Variants in LPIN2 observed in about 807,000 individuals in gnomAD.
The protein encoded by LPIN2 is phosphatidate phosphatase LPIN2.
Under a neutral mutation model 111.4 loss-of-function variants are expected in LPIN2, and 55 were observed. That is an observed-to-expected ratio of 0.49 (90% CI 0.40 to 0.62). The LOEUF is 0.62. Among genes scored for constraint, LPIN2 ranks in the 20% least tolerant of loss-of-function variants. The pLI is 0.00. For synonymous variants in LPIN2, 425 were observed against 414.0 expected, an observed-to-expected ratio of 1.03 and a Z score of -0.32; for missense variants, 992 against 1,112.1, an observed-to-expected ratio of 0.89 and a Z score of 1.54.
At chr18:2,921,780 CT>C in intron 17 of LPIN2, 133 bp from the exon 18 acceptor site, 1 of 790,214 alleles carries the variant, frequency 1.3e-6, no homozygotes. Flanking sequence ...CCTTCTCCTT[CT>C]TTGCCAGTCT....
chr18:2,994,546 A>G (rs536364099), intron 1 of LPIN2, among the ~76,000 whole-genome samples: 148 of 152,372 alleles, frequency 9.7e-4, no homozygotes, highest in Middle Eastern at 6.8e-3. Context: ...ACATGTATAC[A>G]ATGTGTAATG....
chr18:2,991,872 T>C (rs943826874), intron 1 of LPIN2, among the ~76,000 whole-genome samples: 4 of 152,062 alleles, frequency 2.6e-5, no homozygotes, highest in Admixed American at 1.3e-4. Flanking sequence ...TAGCTGGGCG[T>C]GGTGGCGTGC....
intron 4 of LPIN2, chr18:2,946,480 A>G: frequency 6.4e-7 from 1 of 1,550,884 alleles, no homozygotes. Flanking sequence ...CATCGTCGGA[A>G]TTGGTCTCAG....
chr18:2,960,132 T>C (rs915278976), intron 2 of LPIN2, among the ~76,000 whole-genome samples: 3 of 151,318 alleles, frequency 2.0e-5, no homozygotes, highest in Non-Finnish European at 1.5e-5. Flanking sequence ...ATCACACCGC[T>C]GTACTCCAGC....
intron 1 of LPIN2, among the ~76,000 whole-genome samples, chr18:3,004,040 G>A (rs1253980271): frequency 3.9e-5 from 6 of 152,026 alleles, no homozygotes; most frequent in Admixed American, 6.6e-5. Context: ...ACTGAAATAC[G>A]CCCTGGTCTC....
chr18:2,972,792 A>G (rs1238596719), intron 1 of LPIN2, among the ~76,000 whole-genome samples: 2 of 152,180 alleles, frequency 1.3e-5, no homozygotes, highest in Admixed American at 6.5e-5. Context: ...CTGTTCCCAC[A>G]TTTCTCTTTA....
Position 2,918,049 on chromosome 18 carries a change from A to AATAGT in LPIN2, c.*2239_*2243dup, listed in dbSNP as rs1298856742. 6.6e-6 allele frequency: 1 copy of AATAGT among 152,206 alleles called. No homozygotes were observed. Among genetic ancestry groups the AATAGT allele is most frequent in the East Asian group, 1.9e-4 (1 of 5,198 alleles). The allele number at this position is 152,206 out of a possible 1,614,324, so 9.4% of individuals were successfully genotyped here. On this transcript the variant is annotated 3_prime_UTR_variant, in exon 20 of 20. Transcript: ENST00000677752. ...CTTAATACTTTCCTAACACTACAGC[A>AATAGT]ATAGTAATCATCTACTTTCAGCAAG...
In LPIN2 at chr18:2,991,749, C is replaced by G. The variant is rs572770555; in HGVS notation, c.-10+21338G>C. Among the ~76,000 whole-genome samples the G allele has an allele frequency of 2.6e-5, 4 of 152,176 alleles. No individual in the cohort carries two copies. The East Asian group carries it at 7.7e-4, about 29-fold the overall frequency. On this transcript the variant is annotated intron_variant, in intron 1 of 19. Transcript: ENST00000677752. ...TAATAAGGCCGGGCACAGTGGCTCACGCCTATAATCTCAGCACTTTGGGAG... is the reference window on the plus strand; with the variant it reads ...TAATAAGGCCGGGCACAGTGGCTCAGGCCTATAATCTCAGCACTTTGGGAG...
rs992103685 is a variant in LPIN2, at chr18:2,954,489, C to G, written c.288+15G>C. 14 of 1,584,698 alleles carry G rather than the reference C, an allele frequency of 8.8e-6. No individual in the cohort carries two copies. Among genetic ancestry groups the G allele is most frequent in the South Asian group, 4.4e-5 (4 of 90,464 alleles). The stretch of plus-strand genomic sequence containing the variant: ...AGCACACTGTGTAAGGAGGGTGTAA[C>G]CCATGCAAACTTACATATTCTTCTT... On this transcript the variant is annotated intron_variant, in intron 3 of 19. Coordinates refer to ENST00000677752, the MANE Select transcript of LPIN2 (RefSeq NM_001375808.2).
chr18:2,980,209 T>TTC (rs1286811919), intron 1 of LPIN2, among the ~76,000 whole-genome samples: 7 of 152,224 alleles, frequency 4.6e-5, no homozygotes. Flanking sequence ...GCATTAGCCC[T>TTC]TCTTCCCCCT....
At chr18:2,950,526 C>T (rs1234322131) in intron 4 of LPIN2, 1 of 159,682 alleles carries the variant, frequency 6.3e-6, no homozygotes, top group Admixed American at 6.0e-5. Context: ...GTTCTACTCC[C>T]AACTGCTACC....
chr18:2,999,048 C>T (rs1241369689), intron 1 of LPIN2, among the ~76,000 whole-genome samples: 2 of 152,190 alleles, frequency 1.3e-5, no homozygotes, highest in Non-Finnish European at 2.9e-5. Flanking sequence ...ATAGGTGTAA[C>T]TAAAAGCATC....
At chr18:3,010,694 G>A (rs756736042) in intron 1 of LPIN2, among the ~76,000 whole-genome samples, 2 of 152,188 alleles carry the variant, frequency 1.3e-5, no homozygotes, top group Admixed American at 6.5e-5. Context: ...AAATTGCTAA[G>A]CACCTACGGG....
At chr18:2,931,207 G>T (rs779084849) in intron 9 of LPIN2, 49 bp downstream of exon 9, 1 of 1,587,080 alleles carries the variant, frequency 6.3e-7, no homozygotes, top group South Asian at 1.1e-5. Context: ...ACCAAGTGAT[G>T]ACCAGATTGC....
intron 1 of LPIN2, among the ~76,000 whole-genome samples, chr18:2,966,385 A>C (rs2077804726): frequency 1.3e-5 from 2 of 152,238 alleles, no homozygotes; most frequent in African/African-American, 4.8e-5. Flanking sequence ...TCATGTGTCA[A>C]GTGCTATGTT....
intron 1 of LPIN2, among the ~76,000 whole-genome samples, chr18:3,003,989 T>C (rs1299434661): frequency 6.7e-6 from 1 of 149,988 alleles, no homozygotes; most frequent in African/African-American, 2.5e-5. Context: ...GGAGGTCTAT[T>C]AACGGCCGCT....
chr18:2,920,460 G>A (rs2144110731), intron 19 of LPIN2, 23 bp from the exon 20 acceptor site: 1 of 1,613,302 alleles, frequency 6.2e-7, no homozygotes, highest in Non-Finnish European at 8.5e-7. Context: ...TTGGGGAAGA[G>A]GCACAGGCTA....
At chr18:2,939,635 G>A (rs1311819786) in intron 5 of LPIN2, 32 bp from the exon 6 acceptor site, 1 of 1,608,820 alleles carries the variant, frequency 6.2e-7, no homozygotes, top group Admixed American at 1.7e-5. Flanking sequence ...ACGATGACTT[G>A]AAAGTCGGGA....
intron 18 of LPIN2, chr18:2,921,153 G>C: frequency 1.8e-6 from 1 of 561,316 alleles, no homozygotes; most frequent in South Asian, 2.0e-5. Flanking sequence ...GCACACCTGA[G>C]GCCCGATGGC....
Sources: gnomAD v4.1 joint callset for allele counts (sites outside exome capture counted in the v4.1 genomes callset) on GRCh38, gnomAD v4.1.1 for gene constraint, MANE v1.5 for transcripts, NCBI Gene and HGNC (gene_info 2026-07-23, HGNC 2026-07-21) for gene names.